DUSP14: variants seen among roughly 807,000 people sequenced by gnomAD.
DUSP14 encodes dual specificity protein phosphatase 14.
DUSP14 carries 5 observed loss-of-function variants against 13.2 expected under a neutral mutation model. The observed-to-expected ratio is 0.38, with a 90% CI of 0.20 to 0.80. DUSP14 has a LOEUF of 0.80. DUSP14 is among the 30% of genes least tolerant of loss of function. DUSP14 has a pLI of 0.44. For missense variants in DUSP14, 185 were observed against 264.0 expected (o/e 0.70, Z 2.07); for synonymous variants, 91 against 103.4 (o/e 0.88, Z 0.73).
rs372941320 is a variant in DUSP14, at chr17:37,503,811, G to A, written c.-180-6866G>A. On this transcript the variant is annotated intron_variant, in intron 1 of 2. Coordinates refer to ENST00000617516, the MANE Select transcript of DUSP14 (RefSeq NM_007026.4). ...CTTCAAATCTTTGCATTTGTGTCACGATGCTGGCATGGTTTTTCCTGCTTA... is the reference window on the plus strand; with the variant it reads ...CTTCAAATCTTTGCATTTGTGTCACAATGCTGGCATGGTTTTTCCTGCTTA... Among the ~76,000 whole-genome samples, 46 of 152,220 alleles carry A rather than the reference G, an allele frequency of 3.0e-4. 1 individual carries two copies. Among genetic ancestry groups the A allele is most frequent in the African/African-American group, 1.1e-3 (45 of 41,518 alleles).
intron 1 of DUSP14, among the ~76,000 whole-genome samples, chr17:37,501,403 C>T (rs943115990): frequency 6.6e-6 from 1 of 152,132 alleles, no homozygotes; most frequent in Non-Finnish European, 1.5e-5. Flanking sequence ...TTTCAAGCCT[C>T]CAGGTGGTAT....
At chr17:37,490,293 G>A (rs1276338364) in intron 1 of DUSP14, among the ~76,000 whole-genome samples, 1 of 152,046 alleles carries the variant, frequency 6.6e-6, no homozygotes, top group African/African-American at 2.4e-5. Flanking sequence ...CGCCTCCTCC[G>A]TCGCCTTCCG....
chr17:37,504,368 C>T (rs1429649059), intron 1 of DUSP14, among the ~76,000 whole-genome samples: 1 of 152,184 alleles, frequency 6.6e-6, no homozygotes, highest in Non-Finnish European at 1.5e-5. Flanking sequence ...CGGAGTGTGA[C>T]TCTCAGTCTT....
intron 1 of DUSP14, among the ~76,000 whole-genome samples, chr17:37,499,567 C>G (rs2054091769): frequency 6.6e-6 from 1 of 151,964 alleles, no homozygotes; most frequent in South Asian, 2.1e-4. Context: ...TTCGCTCTTT[C>G]ACGCAGGCTG....
rs1055752282 is a variant in DUSP14, at chr17:37,495,376, G to C, written c.-181+5418G>C. On this transcript the variant is annotated intron_variant, in intron 1 of 2. Coordinates refer to ENST00000617516, the MANE Select transcript of DUSP14 (RefSeq NM_007026.4). ...ATGTTGAAACCTCAGTGGACGAGAA[G>C]GTTCTTTTGAAGTTCATATGCAACT... Among the ~76,000 whole-genome samples the C allele has an allele frequency of 3.3e-5, 5 of 152,192 alleles. No homozygotes were observed. In the South Asian group the frequency reaches 1.0e-3, roughly 31 times the overall value.
chr17:37,512,204 C>T lies in DUSP14; in HGVS notation c.-69C>T. ...AGGAAGGAGACTCTAATTTTGGATT[C>T]CTTGGTGGAGGAAAATAAAACACTC... On this transcript the variant is annotated 5_prime_UTR_variant, in exon 3 of 3. Coordinates refer to ENST00000617516, the MANE Select transcript of DUSP14 (RefSeq NM_007026.4). The surrounding 1 kb of genome is among the most constrained non-coding windows in gnomAD (Gnocchi z 4.8). The T allele has an allele frequency of 3.6e-6, 5 of 1,371,972 alleles. No individual in the cohort carries two copies. Among genetic ancestry groups the T allele is most frequent in the Non-Finnish European group, 5.0e-6 (5 of 1,005,922 alleles). The allele number at this position is 1,371,972 out of a possible 1,614,324, so 85.0% of individuals were successfully genotyped here.
At chr17:37,491,396 G>A (rs1260091152) in intron 1 of DUSP14, 1 of 152,258 alleles carries the variant, frequency 6.6e-6, no homozygotes, top group Non-Finnish European at 1.5e-5. Context: ...GGGTTGCCAC[G>A]AGGAGGTAGG....
upstream of DUSP14, among the ~76,000 whole-genome samples, chr17:37,488,859 T>C (rs1419852868): frequency 1.3e-5 from 2 of 152,166 alleles, no homozygotes; most frequent in Non-Finnish European, 2.9e-5. Context: ...GGGTTTTACT[T>C]CTCCCCTCCA....
At chr17:37,491,237 C>T (rs964769109) in intron 1 of DUSP14, among the ~76,000 whole-genome samples, 2 of 152,176 alleles carry the variant, frequency 1.3e-5, no homozygotes, top group Admixed American at 1.3e-4. Flanking sequence ...ATAAAGGCCC[C>T]CAGTCTTGGT....
chr17:37,489,268 C>A (rs1438741230), upstream of DUSP14, among the ~76,000 whole-genome samples: 1 of 152,102 alleles, frequency 6.6e-6, no homozygotes, highest in Non-Finnish European at 1.5e-5. Context: ...TCGGACGGCA[C>A]CTTGGCGTGG....
intron 1 of DUSP14, among the ~76,000 whole-genome samples, chr17:37,499,958 C>T (rs926881184): frequency 2.6e-5 from 4 of 152,162 alleles, no homozygotes; most frequent in Admixed American, 2.6e-4. Context: ...GCCTTGGGAC[C>T]CCTCTCGTTC....
intron 1 of DUSP14, among the ~76,000 whole-genome samples, chr17:37,495,774 C>G (rs1314189208): frequency 6.6e-6 from 1 of 152,072 alleles, no homozygotes; most frequent in Non-Finnish European, 1.5e-5. Context: ...ATTCTCCTGC[C>G]TCAGCCTCCC....
At chr17:37,489,579 G>A (rs1385788957), upstream of DUSP14, among the ~76,000 whole-genome samples, 2 of 151,948 alleles carry the variant, frequency 1.3e-5, no homozygotes, top group Non-Finnish European at 2.9e-5. Context: ...CCTCGAGCCC[G>A]GCTCATACGC....
chr17:37,498,831 C>A (rs2054086558), intron 1 of DUSP14, among the ~76,000 whole-genome samples: 1 of 151,966 alleles, frequency 6.6e-6, no homozygotes, highest in Admixed American at 6.6e-5. Flanking sequence ...ATGTGAATTC[C>A]CAGGCCTTCA....
intron 2 of DUSP14, among the ~76,000 whole-genome samples, 188 bp from the exon 3 acceptor site, chr17:37,511,993 C>T (rs73291817): frequency 0.022 from 2,605 of 119,760 alleles, 87 homozygotes; most frequent in African/African-American, 0.08. Context: ...ACATTGATTT[C>T]ACATGTTTGT....
intron 1 of DUSP14, among the ~76,000 whole-genome samples, chr17:37,493,742 A>G (rs1462356692): frequency 1.3e-5 from 2 of 151,980 alleles, no homozygotes; most frequent in Admixed American, 1.3e-4. Flanking sequence ...AAGTACTAAA[A>G]ATAAGTGGCT....
chr17:37,494,820 A>G (rs2054052988), intron 1 of DUSP14, among the ~76,000 whole-genome samples: 1 of 152,214 alleles, frequency 6.6e-6, no homozygotes, highest in Non-Finnish European at 1.5e-5. Context: ...GGATGATGGA[A>G]GAACACTAGC....
Position 37,512,891 on chromosome 17 carries a change from C to A in DUSP14, c.*22C>A. 1 of 1,578,136 alleles carries A rather than the reference C, an allele frequency of 6.3e-7. No homozygotes were observed. On this transcript the variant is annotated 3_prime_UTR_variant, in exon 3 of 3. Coordinates refer to ENST00000617516, the MANE Select transcript of DUSP14 (RefSeq NM_007026.4). This position sits in a 1 kb window ranked among gnomAD's most constrained non-coding sequence, Gnocchi z 4.8. ...TTAGTGCCACTGAAGCCTGCGTCAG[C>A]AGCCCGAGCGGGGCCGGCATCTGCT...
chr17:37,509,131 A>ATATATG (rs1568204446), intron 1 of DUSP14, among the ~76,000 whole-genome samples: 1 of 26,574 alleles, frequency 3.8e-5, no homozygotes, highest in African/African-American at 2.0e-4. Context: ...ATATATATAC[A>ATATATG]CACACACACA....
Sources: allele counts gnomAD v4.1 joint callset (sites outside exome capture counted in the v4.1 genomes callset), GRCh38; gene constraint gnomAD v4.1.1; non-coding constraint Gnocchi (gnomAD v3.1); transcripts MANE v1.5; gene names NCBI Gene and HGNC (gene_info 2026-07-23, HGNC 2026-07-21).